Variants in GABRR3 observed in about 807,000 individuals in gnomAD.
GABRR3 encodes the protein gamma-aminobutyric acid receptor subunit rho-3.
Under a neutral mutation model 43.2 loss-of-function variants are expected in GABRR3, and 29 were observed. The ratio of observed to expected loss-of-function variants is 0.67; its 90% CI spans 0.50 to 0.92. GABRR3 has a LOEUF of 0.92. Among genes scored for constraint, GABRR3 ranks in the 40% least tolerant of loss-of-function variants. The pLI, the probability that GABRR3 is intolerant of heterozygous loss-of-function variation, is 0.00. For synonymous variants in GABRR3, 206 were observed against 195.9 expected (o/e 1.05, Z -0.43); for missense variants, 576 against 572.3 (o/e 1.01, Z -0.07).
In GABRR3 at chr3:98,034,845, G is replaced by A. The variant is rs760390933; in HGVS notation, c.125+18C>T. On this transcript the variant is annotated intron_variant, in intron 2 of 9. Coordinates refer to ENST00000621172, the Ensembl canonical transcript of GABRR3. ...AAACTGGGCAGTAATTCCATGGACT[G>A]CACTATGAGCATCTTACCAGGTTTG... 52 of 1,612,366 alleles carry A rather than the reference G, an allele frequency of 3.2e-5. No homozygotes were observed. Among genetic ancestry groups the A allele is most frequent in the South Asian group, 1.9e-4 (17 of 91,004 alleles).
intron 7 of GABRR3, among the ~76,000 whole-genome samples, chr3:98,006,164 TTATCTC>T (rs1224645768): frequency 1.2e-4 from 18 of 152,100 alleles, no homozygotes; most frequent in South Asian, 4.1e-4. Flanking sequence ...ATAATATAGT[TTATCTC>T]TATGAGGTAG....
chr3:98,020,370 C>A (rs1240042627), intron 3 of GABRR3, among the ~76,000 whole-genome samples: 1 of 140,076 alleles, frequency 7.1e-6, no homozygotes, highest in African/African-American at 2.7e-5. Context: ...ATCACTACTG[C>A]AATTAAGCAA....
chr3:97,986,665 T>C (rs1052779021), downstream of GABRR3: 1 of 1,448,274 alleles, frequency 6.9e-7, no homozygotes, highest in Non-Finnish European at 9.3e-7. Flanking sequence ...TAAAGTTGTA[T>C]ACATTTGAAA....
At chr3:98,014,064 A>G (rs2107240735) in intron 4 of GABRR3, among the ~76,000 whole-genome samples, 1 of 152,214 alleles carries the variant, frequency 6.6e-6, no homozygotes, top group South Asian at 2.1e-4. Context: ...AAGCAAAAAC[A>G]AATAAACAAA....
At chr3:98,015,286 A>G (rs1706860318) in intron 4 of GABRR3, among the ~76,000 whole-genome samples, 1 of 152,320 alleles carries the variant, frequency 6.6e-6, no homozygotes, top group Admixed American at 6.5e-5. Flanking sequence ...TCCACCTCCC[A>G]GGTTCAAGTT....
At chr3:98,013,036 A>G (rs1706822518) in intron 4 of GABRR3, among the ~76,000 whole-genome samples, 1 of 152,224 alleles carries the variant, frequency 6.6e-6, no homozygotes. Context: ...CTACAGTCCC[A>G]TAAAAACATG....
rs1297948075 is a variant in GABRR3 at position 98,012,577 on chromosome 3, G to A, written c.307-10C>T. 1 of 1,572,888 alleles carries A rather than the reference G, an allele frequency of 6.4e-7. No homozygotes were observed. Among genetic ancestry groups the A allele is most frequent in the Non-Finnish European group, 8.6e-7 (1 of 1,160,356 alleles). On this transcript the variant is annotated splice_polypyrimidine_tract_variant and intron_variant, in intron 4 of 9. Transcript: ENST00000621172. ...AAGTCATTGTAAAGTCCTAGACAGA[G>A]AGAAAAAGAGACCAAAAAAACCAGT... is the stretch of plus-strand genomic sequence containing the variant.
In GABRR3 at chr3:98,012,624, C is replaced by T. The variant is rs374983236; in HGVS notation, c.307-57G>A. Reference sequence around the variant, plus strand: ...CAGTAGGAATATGGTTCAGGATGACCACTCAACACTGTTAGTCCCAGGACT... The same window carrying T: ...CAGTAGGAATATGGTTCAGGATGACTACTCAACACTGTTAGTCCCAGGACT... On this transcript the variant is annotated intron_variant, in intron 4 of 9. Coordinates refer to ENST00000621172, the Ensembl canonical transcript of GABRR3. 3.6e-4 allele frequency: 427 copies of T among 1,175,484 alleles called. 3 individuals are homozygous for T. The South Asian group carries it at 5.0e-3, about 14-fold the overall frequency. The allele number at this position is 1,175,484 out of a possible 1,614,324, so 72.8% of individuals were successfully genotyped here. A position where few individuals can be genotyped will look rare whatever the true frequency, so the allele number is the denominator to read the frequency against.
At chr3:98,012,632 A>T (rs551439895) in intron 4 of GABRR3, 65 bp from the exon 5 acceptor site, 10 of 1,086,952 alleles carry the variant, frequency 9.2e-6, no homozygotes, top group Non-Finnish European at 1.1e-5. Context: ...ACCACTCAAC[A>T]CTGTTAGTCC....
intron 2 of GABRR3, among the ~76,000 whole-genome samples, chr3:98,029,760 G>GT (rs1707062454): frequency 6.6e-6 from 1 of 152,122 alleles, no homozygotes; most frequent in Non-Finnish European, 1.5e-5. Flanking sequence ...AGCCATAACT[G>GT]TCATTTTATA....
Position 98,025,687 on chromosome 3 carries a change from C to G in GABRR3, c.126-8G>C. 6.3e-7 allele frequency: 1 copy of G among 1,583,338 alleles called. No individual in the cohort carries two copies. Among genetic ancestry groups the G allele is most frequent in the Non-Finnish European group, 8.6e-7 (1 of 1,165,990 alleles). On this transcript the variant is annotated splice_region_variant and splice_polypyrimidine_tract_variant and intron_variant, in intron 2 of 9. Transcript: ENST00000621172. ...ATTCTAGTTTCTTGTTTGCTGTTCCCCCAAAGGGAAAAAAAAAACTTCTGA... is the reference window on the plus strand; with the variant it reads ...ATTCTAGTTTCTTGTTTGCTGTTCCGCCAAAGGGAAAAAAAAAACTTCTGA...
chr3:97,994,546 T>C (rs1211007156), intron 8 of GABRR3, among the ~76,000 whole-genome samples: 1 of 152,210 alleles, frequency 6.6e-6, no homozygotes, highest in Non-Finnish European at 1.5e-5. Context: ...GCTGTCTGTA[T>C]TCCCTGGCTC....
At chr3:97,999,953 T>C (rs1037607906) in intron 8 of GABRR3, 8 of 152,054 alleles carry the variant, frequency 5.3e-5, no homozygotes, top group East Asian at 3.9e-4. Flanking sequence ...TAGGTATTCA[T>C]AGGGACCTTC....
At chr3:98,014,155 G>A (rs952110229) in intron 4 of GABRR3, among the ~76,000 whole-genome samples, 13 of 152,234 alleles carry the variant, frequency 8.5e-5, no homozygotes, top group Non-Finnish European at 1.8e-4. Context: ...TGTGAACCCA[G>A]TCCAGTTTTA....
At chr3:98,010,948 A>T (rs2107238600) in intron 5 of GABRR3, among the ~76,000 whole-genome samples, 1 of 152,206 alleles carries the variant, frequency 6.6e-6, no homozygotes, top group East Asian at 1.9e-4. Context: ...AAAAATAGAA[A>T]AATTAGCTGG....
At chr3:98,021,213 G>C (rs1029978809) in intron 3 of GABRR3, among the ~76,000 whole-genome samples, 1 of 152,016 alleles carries the variant, frequency 6.6e-6, no homozygotes, top group Non-Finnish European at 1.5e-5. Flanking sequence ...CCTTATTCAT[G>C]GGTTTGAGGA....
chr3:98,007,391 T>A (rs903716471), intron 7 of GABRR3, among the ~76,000 whole-genome samples: 5 of 152,018 alleles, frequency 3.3e-5, no homozygotes, highest in Non-Finnish European at 7.4e-5. Flanking sequence ...AGGAAGTGGG[T>A]GAGTCCCACA....
In GABRR3 at chr3:97,993,365, A is replaced by G. The variant is rs571439025; in HGVS notation, c.908-317T>C. 1.2e-3 allele frequency among the ~76,000 whole-genome samples: 186 copies of G among 152,334 alleles called. 1 individual carries two copies. Among genetic ancestry groups the G allele is most frequent in the African/African-American group, 4.3e-3 (178 of 41,580 alleles). ...TGGGCCTCTTCTAAGCATGCCAGAAAGGTAAACATGTATTCAATTTAAAAG... is the reference window on the plus strand; with the variant it reads ...TGGGCCTCTTCTAAGCATGCCAGAAGGGTAAACATGTATTCAATTTAAAAG... On this transcript the variant is annotated intron_variant, in intron 8 of 9. Coordinates refer to ENST00000621172, the Ensembl canonical transcript of GABRR3.
At chr3:98,018,004 CTTTT>C (rs10710938) in intron 3 of GABRR3, among the ~76,000 whole-genome samples, 8 of 137,016 alleles carry the variant, frequency 5.8e-5, no homozygotes, top group African/African-American at 2.2e-4. Context: ...CTCCAGTTTT[CTTTT>C]TTTTTTTTTT....
Sources: allele counts gnomAD v4.1 joint callset (sites outside exome capture counted in the v4.1 genomes callset), GRCh38; gene constraint gnomAD v4.1.1; transcripts MANE v1.5; gene names NCBI Gene and HGNC (gene_info 2026-07-23, HGNC 2026-07-21).